The following BICC1 variants were observed in gnomAD, a reference collection of about 807,000 sequenced individuals.
The protein encoded by BICC1 is protein bicaudal C homolog 1.
Under a neutral mutation model 111.0 loss-of-function variants are expected in BICC1, and 43 were observed. The observed-to-expected ratio is 0.39, with a 90% CI of 0.30 to 0.50. BICC1 has a LOEUF of 0.50. Ranked by LOEUF, BICC1 falls within the 20% of genes least tolerant of loss-of-function variation. BICC1 has a pLI of 0.88. For synonymous variants in BICC1, 467 were observed against 434.4 expected (o/e 1.07, Z -0.93); for missense variants, 1,091 against 1,203.2 (o/e 0.91, Z 1.38).
At chr10:58,620,968 C>G in intron 2 of BICC1, 67 bp downstream of exon 2, 1 of 1,409,156 alleles carries the variant, frequency 7.1e-7, no homozygotes. Flanking sequence ...AACAGCTACC[C>G]TAGAAGCCAC....
At chr10:58,737,827 T>C (rs1841522683) in intron 3 of BICC1, among the ~76,000 whole-genome samples, 1 of 152,242 alleles carries the variant, frequency 6.6e-6, no homozygotes, top group Non-Finnish European at 1.5e-5. Context: ...TTTGCATTTC[T>C]CTGATGGACA....
At chr10:58,724,640 G>T (rs1434234419) in intron 3 of BICC1, among the ~76,000 whole-genome samples, 1 of 152,130 alleles carries the variant, frequency 6.6e-6, no homozygotes, top group Non-Finnish European at 1.5e-5. Flanking sequence ...CCTGGCTTTT[G>T]GCTCTGCCCC....
At chr10:58,596,424 A>T (rs2132056311) in intron 1 of BICC1, among the ~76,000 whole-genome samples, 1 of 152,296 alleles carries the variant, frequency 6.6e-6, no homozygotes, top group East Asian at 1.9e-4. Context: ...AAATAATAAG[A>T]GCTATTTATG....
At chr10:58,555,305 C>CTTTTTTTTTTTTTTT (rs1564485963) in intron 1 of BICC1, among the ~76,000 whole-genome samples, 4 of 93,828 alleles carry the variant, frequency 4.3e-5, no homozygotes, top group African/African-American at 1.3e-4. Flanking sequence ...GGCTGTTGGA[C>CTTTTTTTTTTTTTTT]ATTTTTTTTT....
intron 1 of BICC1, among the ~76,000 whole-genome samples, chr10:58,598,815 AAAC>A (rs1231750946): frequency 6.6e-6 from 1 of 152,120 alleles, no homozygotes; most frequent in Non-Finnish European, 1.5e-5. Context: ...TACAAGAAAA[AAAC>A]AACCCCATAA....
intron 3 of BICC1, among the ~76,000 whole-genome samples, chr10:58,706,888 T>C (rs1241778057): frequency 1.3e-5 from 1 of 77,230 alleles, no homozygotes; most frequent in Non-Finnish European, 2.7e-5. Flanking sequence ...AACAGACTAA[T>C]ACAGTGAGTA....
intron 1 of BICC1, among the ~76,000 whole-genome samples, chr10:58,542,044 T>G (rs1842997216): frequency 6.7e-6 from 1 of 149,342 alleles, no homozygotes; most frequent in Non-Finnish European, 1.5e-5. Flanking sequence ...CTAGCTAATC[T>G]GGAGGCTAAG....
chr10:58,815,413 A>G (rs1225480742), intron 18 of BICC1, among the ~76,000 whole-genome samples: 3 of 152,196 alleles, frequency 2.0e-5, no homozygotes, highest in Non-Finnish European at 4.4e-5. Flanking sequence ...GATGAGAGTC[A>G]GGCTGATGCC....
intron 2 of BICC1, among the ~76,000 whole-genome samples, chr10:58,644,798 C>T (rs1838219533): frequency 1.3e-5 from 2 of 152,194 alleles, no homozygotes; most frequent in South Asian, 4.2e-4. Flanking sequence ...TCTACTGTGC[C>T]TTTTTGATTA....
intron 2 of BICC1, among the ~76,000 whole-genome samples, chr10:58,679,576 G>T (rs1839451092): frequency 6.6e-6 from 1 of 152,174 alleles, no homozygotes; most frequent in South Asian, 2.1e-4. Flanking sequence ...CCCAGGACCA[G>T]ATGGATTCAC....
At chr10:58,788,179 G>A (rs981581616) in intron 5 of BICC1, among the ~76,000 whole-genome samples, 191 bp from the exon 6 acceptor site, 2 of 152,054 alleles carry the variant, frequency 1.3e-5, no homozygotes, top group African/African-American at 2.4e-5. Context: ...TGAGGATCTC[G>A]TTAAAATGCA....
rs1000591944 is a variant in BICC1 at position 58,564,577 on chromosome 10, G to A, written c.190+51244G>A. On this transcript the variant is annotated intron_variant, in intron 1 of 20. Transcript: ENST00000373886. Reference sequence around the variant, plus strand: ...TTTTCTACCTTTTCCCCTTGGACATGGGTAGAGACAACTATTACCTGTTCA... The same window carrying A: ...TTTTCTACCTTTTCCCCTTGGACATAGGTAGAGACAACTATTACCTGTTCA... 3.3e-5 allele frequency among the ~76,000 whole-genome samples: 5 copies of A among 152,164 alleles called. No homozygotes were observed. The East Asian group carries it at 7.7e-4, about 23-fold the overall frequency.
At chr10:58,530,148 A>G (rs1312303414) in intron 1 of BICC1, among the ~76,000 whole-genome samples, 1 of 151,856 alleles carries the variant, frequency 6.6e-6, no homozygotes, top group Non-Finnish European at 1.5e-5. Flanking sequence ...AACAGAAAAC[A>G]AAAGGAGATC....
intron 3 of BICC1, among the ~76,000 whole-genome samples, chr10:58,709,588 A>ATCTAC (rs1840508588): frequency 6.6e-6 from 1 of 152,210 alleles, no homozygotes. Flanking sequence ...CCTCAACTCA[A>ATCTAC]TCATGGAAAC....
intron 2 of BICC1, among the ~76,000 whole-genome samples, chr10:58,687,892 G>C (rs1421027127): frequency 6.6e-6 from 1 of 152,162 alleles, no homozygotes; most frequent in African/African-American, 2.4e-5. Context: ...GATGAACCCA[G>C]TACCTCAGTT....
intron 3 of BICC1, among the ~76,000 whole-genome samples, chr10:58,708,336 A>G (rs1239302532): frequency 1.3e-5 from 2 of 151,996 alleles, no homozygotes; most frequent in Non-Finnish European, 2.9e-5. Context: ...AGAGTACAGT[A>G]TGATATTTCA....
chr10:58,786,979 C>T lies in BICC1; in HGVS notation c.444C>T (p.Ile148=), dbSNP rs144991685. The part of the protein sequence containing the change: ...DVSHTEHSHV[I]GKGGNNIKKV... Reference sequence around the variant, plus strand: ...CACATACAGAACATTCACATGTAATCGGCAAAGGTGGCAACAATATTAAAA... The same window carrying T: ...CACATACAGAACATTCACATGTAATTGGCAAAGGTGGCAACAATATTAAAA... The change falls in exon 5 of 21, where the codon ATC becomes ATT. Residue 148 remains isoleucine (I), a synonymous_variant. Transcript: ENST00000373886. 1.4e-4 allele frequency: 224 copies of T among 1,609,596 alleles called. 3 individuals carry two copies. In the South Asian group the frequency reaches 1.7e-3, roughly 12 times the overall value.
intron 1 of BICC1, among the ~76,000 whole-genome samples, chr10:58,607,116 C>T (rs1414897555): frequency 1.3e-5 from 2 of 151,862 alleles, no homozygotes; most frequent in Non-Finnish European, 2.9e-5. Flanking sequence ...TGGGAGTTTG[C>T]GACCAGCCTG....
At chr10:58,667,617 T>C (rs1839057716) in intron 2 of BICC1, among the ~76,000 whole-genome samples, 1 of 152,022 alleles carries the variant, frequency 6.6e-6, no homozygotes, top group African/African-American at 2.4e-5. Flanking sequence ...AACAGTGAAA[T>C]TGGATAAAGG....
Sources: gnomAD v4.1 joint callset for allele counts (sites outside exome capture counted in the v4.1 genomes callset) on GRCh38, gnomAD v4.1.1 for gene constraint, MANE v1.5 for transcripts, NCBI Gene and HGNC (gene_info 2026-07-23, HGNC 2026-07-21) for gene names.